The following SURF6 variants were observed in gnomAD, a reference collection of about 807,000 sequenced individuals.
The protein encoded by SURF6 is surfeit locus protein 6.
Under a neutral mutation model 37.5 loss-of-function variants are expected in SURF6, and 28 were observed. The ratio of observed to expected loss-of-function variants is 0.75; its 90% CI spans 0.55 to 1.02. The LOEUF is 1.02. Ranked by LOEUF, SURF6 falls within the 50% of genes least tolerant of loss-of-function variation. The pLI is 0.00. For synonymous variants in SURF6, 248 were observed against 210.9 expected (o/e 1.18, Z -1.52); for missense variants, 560 against 490.5 (o/e 1.14, Z -1.34).
chr9:133,332,778 C>T lies in SURF6; in HGVS notation c.394-18G>A. The T allele has an allele frequency of 6.2e-7, 1 of 1,606,598 alleles. No individual in the cohort carries two copies. Among genetic ancestry groups the T allele is most frequent in the Non-Finnish European group, 8.5e-7 (1 of 1,178,778 alleles). On this transcript the variant is annotated intron_variant, in intron 3 of 4. Coordinates refer to ENST00000372022, the MANE Select transcript of SURF6 (RefSeq NM_006753.6). ...GCACTGCCCTGGGGGAAAGAGGCAC[C>T]CACTCATTAAAGTTCTCTCGATCCC...
Position 133,330,072 on chromosome 9 carries a change from TCC to T in SURF6, c.*1795_*1796del, listed in dbSNP as rs2119037595. The T allele has an allele frequency of 6.6e-6, 1 of 152,334 alleles. No homozygotes were observed. Among genetic ancestry groups the T allele is most frequent in the East Asian group, 1.9e-4 (1 of 5,194 alleles). The allele number at this position is 152,334 out of a possible 1,614,324, so 9.4% of individuals were successfully genotyped here. A position where few individuals can be genotyped will look rare whatever the true frequency, so the allele number is the denominator to read the frequency against. The stretch of plus-strand genomic sequence containing the variant: ...TTTAGTCAGTTTTGGAGATTTTTCT[TCC>T]ATTTACTTTGAGTTGTTCCAACTTA... On this transcript the variant is annotated 3_prime_UTR_variant, in exon 5 of 5. Transcript: ENST00000372022.
intron 3 of SURF6, 61 bp from the exon 4 acceptor site, chr9:133,332,821 C>G: frequency 6.5e-7 from 1 of 1,532,910 alleles, no homozygotes; most frequent in Non-Finnish European, 8.9e-7. Flanking sequence ...CCCAGCCTGG[C>G]CCATAGTCGA....
In SURF6 at chr9:133,331,836, G is replaced by C. The variant is rs781849003; in HGVS notation, c.*33C>G. 1 of 1,496,334 alleles carries C rather than the reference G, an allele frequency of 6.7e-7. No individual in the cohort carries two copies. Among genetic ancestry groups the C allele is most frequent in the Admixed American group, 2.3e-5 (1 of 43,538 alleles). The allele number at this position is 1,496,334 out of a possible 1,614,324, so 92.7% of individuals were successfully genotyped here. A position where few individuals can be genotyped will look rare whatever the true frequency, so the allele number is the denominator to read the frequency against. The stretch of plus-strand genomic sequence containing the variant: ...TCAGAGGGTGTCCTGGAGTCTCCTA[G>C]GACGGAAGACGGCGGCCCCAGGTGG... On this transcript the variant is annotated 3_prime_UTR_variant, in exon 5 of 5. Transcript: ENST00000372022.
In SURF6 at chr9:133,334,582, T is replaced by A. The variant is rs1255576182; in HGVS notation, c.114A>T (p.Ser38=). The A allele has an allele frequency of 6.2e-7, 1 of 1,610,366 alleles. No individual in the cohort carries two copies. Among genetic ancestry groups the A allele is most frequent in the African/African-American group, 1.3e-5 (1 of 74,860 alleles). Residue 38 remains serine, a synonymous_variant, in exon 2 of 5, where the codon TCA becomes TCT. Coordinates refer to ENST00000372022, the MANE Select transcript of SURF6 (RefSeq NM_006753.6). ...ARTRAGKTQG[S]ETAGPPKKKR... Reference sequence around the variant, plus strand: ...TCTTTTTTGGGGGCCCTGCAGTTTCTGAGCCTTGAGTTTTGCCAGCTGAAA... The same window carrying A: ...TCTTTTTTGGGGGCCCTGCAGTTTCAGAGCCTTGAGTTTTGCCAGCTGAAA...
intron 4 of SURF6, 89 bp downstream of exon 4, chr9:133,332,459 G>C: frequency 1.3e-6 from 2 of 1,544,966 alleles, no homozygotes; most frequent in African/African-American, 2.7e-5. Flanking sequence ...AGACATGATG[G>C]GGTTCGGAGA....
Position 133,332,022 on chromosome 9 carries a change from CGT to C in SURF6, c.931_932del (p.Thr311GlyfsTer100). ...GCTGCATCTTCTCCACCACGCCGGC[CGT>C]GCGCTTCTCCCACCGGCGCTGCCGC... ...AQRQRRWEKR[T>X]AGVVEKMQQR... On this transcript the variant is annotated frameshift_variant, in exon 5 of 5. Coordinates refer to ENST00000372022, the MANE Select transcript of SURF6 (RefSeq NM_006753.6). LOFTEE classifies it high-confidence loss of function. The C allele has an allele frequency of 6.2e-7, 1 of 1,601,204 alleles. No homozygotes were observed. Among genetic ancestry groups the C allele is most frequent in the Non-Finnish European group, 8.5e-7 (1 of 1,179,248 alleles).
At chr9:133,332,488 A>G (rs1028438540) in intron 4 of SURF6, 60 bp downstream of exon 4, 14 of 1,573,134 alleles carry the variant, frequency 8.9e-6, no homozygotes, top group South Asian at 3.4e-5. Context: ...GAAGCTAACA[A>G]GGGGCAACGC....
chr9:133,332,640 C>T lies in SURF6; in HGVS notation c.514G>A (p.Glu172Lys), dbSNP rs782470343. 2 of 1,611,530 alleles carry T rather than the reference C, an allele frequency of 1.2e-6. No homozygotes were observed. The highest frequency in any genetic ancestry group is 8.5e-7 in the Non-Finnish European group (1 of 1,180,000). ...ACCTCCTGGGCCTCCGTGGCCTCCT[C>T]AGCCTTCCTGGCCTTCTCTTTCGCC... ...LRAKEKARKA[E>K]EATEAQEVVE... is the part of the protein sequence containing the mutation. The change falls in exon 4 of 5, where the codon GAG becomes AAG. Residue 172 changes from glutamate (E) to lysine (K), a missense_variant. Glu to Lys is a moderately conservative substitution (Grantham distance 56, BLOSUM62 1). Transcript: ENST00000372022.
Position 133,333,700 on chromosome 9 carries a change from G to C in SURF6, c.393+18C>G. 1 of 1,612,226 alleles carries C rather than the reference G, an allele frequency of 6.2e-7. No individual in the cohort carries two copies. Among genetic ancestry groups the C allele is most frequent in the Non-Finnish European group, 8.5e-7 (1 of 1,178,828 alleles). ...CAGGCAGAGCAGTGACGGCACTCCA[G>C]CAAACCTGCCCGCCTACCTGGCCCC... On this transcript the variant is annotated intron_variant, in intron 3 of 4. Coordinates refer to ENST00000372022, the MANE Select transcript of SURF6 (RefSeq NM_006753.6).
chr9:133,330,255 T>C lies in SURF6; in HGVS notation c.*1614A>G, dbSNP rs937617262. ...TCCACAAATCTTAAATTTTTTCTTT[T>C]TGAGACAGTCTTGCTCTGTCACCCA... is the stretch of plus-strand genomic sequence containing the variant. On this transcript the variant is annotated 3_prime_UTR_variant, in exon 5 of 5. Coordinates refer to ENST00000372022, the MANE Select transcript of SURF6 (RefSeq NM_006753.6). 1 of 152,220 alleles carries C rather than the reference T, an allele frequency of 6.6e-6. No homozygotes were observed. Among genetic ancestry groups the C allele is most frequent in the Non-Finnish European group, 1.5e-5 (1 of 68,040 alleles). The allele number at this position is 152,220 out of a possible 1,614,324, so 9.4% of individuals were successfully genotyped here.
Position 133,331,801 on chromosome 9 carries a change from C to A in SURF6, c.*68G>T. 1 of 1,472,440 alleles carries A rather than the reference C, an allele frequency of 6.8e-7. No homozygotes were observed. Among genetic ancestry groups the A allele is most frequent in the East Asian group, 2.4e-5 (1 of 41,092 alleles). 91.2% of individuals were successfully genotyped at this position (1,472,440 alleles called of 1,614,324 possible). ...TGTGGAGATCCTGGGACAGAGCCAG[C>A]GTCAAGGACTCAGAGGGTGTCCTGG... On this transcript the variant is annotated 3_prime_UTR_variant, in exon 5 of 5. Transcript: ENST00000372022.
At chr9:133,335,513 G>A (rs1313880786) in intron 1 of SURF6, among the ~76,000 whole-genome samples, 1 of 151,990 alleles carries the variant, frequency 6.6e-6, no homozygotes, top group East Asian at 1.9e-4. Context: ...AGACAGCACT[G>A]ACACGTCCCC....
At position 133,332,703 on chromosome 9, in the gene SURF6, C is replaced by G; in HGVS notation, c.451G>C (p.Glu151Gln). The G allele has an allele frequency of 6.2e-7, 1 of 1,612,172 alleles. No homozygotes were observed. Among genetic ancestry groups the G allele is most frequent in the African/African-American group, 1.3e-5 (1 of 75,046 alleles). The change falls in exon 4 of 5, where the codon GAA becomes CAA. Residue 151 changes from glutamate to glutamine, a missense_variant. Transcript: ENST00000372022. Reference sequence around the variant, plus strand: ...CGCTTCCTCTTCTTCCGGTCCCGTTCCTGCTTTCTCCGCCGCCTTTTCTCC... The same window carrying G: ...CGCTTCCTCTTCTTCCGGTCCCGTTGCTGCTTTCTCCGCCGCCTTTTCTCC... ...ALEKRRRRKQERDRKKRKRKE... is the reference protein window; with the variant it reads ...ALEKRRRRKQQRDRKKRKRKE...
chr9:133,336,061 C>G lies in SURF6; in HGVS notation c.72G>C (p.Pro24=). ...TACCCCGCGTGCGCGCCTGCTGTTC[C>G]GGGGCCGAATGGGAGCAGATCTTCT... The part of the protein sequence containing the change: ...LAKKICSHSA[P]EQQARTRAGK... The change falls in exon 1 of 5, where the codon CCG becomes CCC. Residue 24 remains proline, a synonymous_variant. Transcript: ENST00000372022. The G allele has an allele frequency of 1.2e-6, 2 of 1,612,318 alleles. No homozygotes were observed. The highest frequency in any genetic ancestry group is 1.7e-5 in the Admixed American group (1 of 60,006).
Position 133,331,705 on chromosome 9 carries a change from G to A in SURF6, c.*164C>T, listed in dbSNP as rs1188030950. 15 of 878,928 alleles carry A rather than the reference G, an allele frequency of 1.7e-5. No individual in the cohort carries two copies. The South Asian group carries it at 4.4e-4, about 26-fold the overall frequency. The allele number at this position is 878,928 out of a possible 1,614,324, so 54.4% of individuals were successfully genotyped here. On this transcript the variant is annotated 3_prime_UTR_variant, in exon 5 of 5. Coordinates refer to ENST00000372022, the MANE Select transcript of SURF6 (RefSeq NM_006753.6). ...CTGAAACTCTCTCTTTCTCACATGG[G>A]ATCTGTGATCTGGGCCCTCACAACT...
intron 4 of SURF6, 78 bp downstream of exon 4, chr9:133,332,470 G>A: frequency 1.3e-6 from 2 of 1,557,856 alleles, no homozygotes; most frequent in African/African-American, 1.4e-5. Context: ...GGTTCGGAGA[G>A]AGATCATGAA....
At position 133,331,753 on chromosome 9, in the gene SURF6, C is replaced by G. The variant is rs10793964; in HGVS notation, c.*116G>C. The G allele has an allele frequency of 0.41, 555,875 of 1,351,398 alleles. 119,284 individuals are homozygous for G. Among genetic ancestry groups the G allele is most frequent in the South Asian group, 0.53 (31,239 of 59,062 alleles). 83.7% of individuals were successfully genotyped at this position (1,351,398 alleles called of 1,614,324 possible). Reference sequence around the variant, plus strand: ...ACTCAGCAGAGCACCACTGTGTCCCCCTCACATGGAGAGGCCGAGGTCTGT... The same window carrying G: ...ACTCAGCAGAGCACCACTGTGTCCCGCTCACATGGAGAGGCCGAGGTCTGT... On this transcript the variant is annotated 3_prime_UTR_variant, in exon 5 of 5. Coordinates refer to ENST00000372022, the MANE Select transcript of SURF6 (RefSeq NM_006753.6).
At chr9:133,333,861 C>A in intron 2 of SURF6, 55 bp from the exon 3 acceptor site, 2 of 1,471,310 alleles carry the variant, frequency 1.4e-6, no homozygotes, top group Non-Finnish European at 1.9e-6. Flanking sequence ...CCCCCTCCCT[C>A]CCTAGGGCCA....
rs2129911549 is a variant in SURF6, at chr9:133,331,801, C to T, written c.*68G>A. ...TGTGGAGATCCTGGGACAGAGCCAG[C>T]GTCAAGGACTCAGAGGGTGTCCTGG... On this transcript the variant is annotated 3_prime_UTR_variant, in exon 5 of 5. Transcript: ENST00000372022. 4 of 1,472,320 alleles carry T rather than the reference C, an allele frequency of 2.7e-6. No individual in the cohort carries two copies. In the African/African-American group the frequency reaches 5.8e-5, roughly 21 times the overall value. The allele number at this position is 1,472,320 out of a possible 1,614,324, so 91.2% of individuals were successfully genotyped here. A position where few individuals can be genotyped will look rare whatever the true frequency, so the allele number is the denominator to read the frequency against.
Sources: allele counts gnomAD v4.1 joint callset (sites outside exome capture counted in the v4.1 genomes callset), GRCh38; gene constraint gnomAD v4.1.1; transcripts MANE v1.5; gene names NCBI Gene and HGNC (gene_info 2026-07-23, HGNC 2026-07-21).